The following RANBP2 variants were observed in gnomAD, a reference collection of about 807,000 sequenced individuals.
RANBP2 encodes E3 SUMO-protein ligase RanBP2.
A neutral mutation model predicts 303.6 loss-of-function variants in RANBP2; 57 were observed. That is an observed-to-expected ratio of 0.19 (90% CI 0.15 to 0.23). RANBP2 has a LOEUF of 0.23. RANBP2 is among the 10% of genes least tolerant of loss of function. The pLI is 1.00. For missense variants in RANBP2, 3,138 were observed against 3,780.8 expected, an observed-to-expected ratio of 0.83 and a Z score of 4.46; for synonymous variants, 1,167 against 1,301.5, an observed-to-expected ratio of 0.90 and a Z score of 2.23.
chr2:109,248,374 CCTCTCATGATTATGTGTTATCG>C, the RANBP2 span, among the ~76,000 whole-genome samples: 7 of 152,030 alleles, frequency 4.6e-5, no homozygotes, highest in African/African-American at 1.7e-4. Flanking sequence ...TATGGTTTTG[CCTCTCATGATTATGTGTTATCG>C]CTCTCATTTT....
At chr2:109,009,711 G>GTT in the RANBP2 span, among the ~76,000 whole-genome samples, 7 of 104,078 alleles carry the variant, frequency 6.7e-5, no homozygotes, top group Non-Finnish European at 9.1e-5. Flanking sequence ...CCTTTTTTTT[G>GTT]TTTTTTTTTT....
At chr2:109,047,391 G>T in the RANBP2 span, among the ~76,000 whole-genome samples, 1 of 152,188 alleles carries the variant, frequency 6.6e-6, no homozygotes, top group African/African-American at 2.4e-5. Context: ...TTAAACCTCT[G>T]TGCACTCTGC....
the RANBP2 span, among the ~76,000 whole-genome samples, chr2:108,879,670 G>C: frequency 1.3e-5 from 2 of 152,206 alleles, no homozygotes; most frequent in Admixed American, 1.3e-4. Context: ...TTTGTGAGAT[G>C]GGTCTTTTAA....
At chr2:109,251,729 A>G in the RANBP2 span, 1 of 695,138 alleles carries the variant, frequency 1.4e-6, no homozygotes, top group East Asian at 2.6e-5. Context: ...TAGGTCGTGT[A>G]CATTTTCATA....
chr2:109,570,186 C>G, the RANBP2 span, among the ~76,000 whole-genome samples: 1 of 152,160 alleles, frequency 6.6e-6, no homozygotes, highest in Non-Finnish European at 1.5e-5. Context: ...AAGGCAGTCC[C>G]AATTTTAGAA....
the RANBP2 span, among the ~76,000 whole-genome samples, chr2:108,971,770 C>A: frequency 6.6e-6 from 1 of 152,204 alleles, no homozygotes; most frequent in East Asian, 1.9e-4. Context: ...CTCTTTGATA[C>A]CACCTTCAAA....
At chr2:109,100,106 T>G in the RANBP2 span, among the ~76,000 whole-genome samples, 1 of 152,222 alleles carries the variant, frequency 6.6e-6, no homozygotes, top group Non-Finnish European at 1.5e-5. Flanking sequence ...AATAGATAAT[T>G]AATAGATAGT....
At chr2:109,731,686 C>T in the RANBP2 span, among the ~76,000 whole-genome samples, 5 of 152,062 alleles carry the variant, frequency 3.3e-5, no homozygotes, top group Non-Finnish European at 2.9e-5. Flanking sequence ...AGCCACTGCG[C>T]GCGGCCACCA....
intron 1 of RANBP2, among the ~76,000 whole-genome samples, chr2:108,728,684 A>G (rs1031073172): frequency 3.3e-5 from 5 of 151,790 alleles, no homozygotes; most frequent in East Asian, 1.9e-4. Context: ...CTGGAGTGCA[A>G]TGGCACGATC....
the RANBP2 span, among the ~76,000 whole-genome samples, chr2:109,684,236 C>T: frequency 2.0e-5 from 1 of 50,838 alleles, no homozygotes; most frequent in African/African-American, 5.7e-5. Flanking sequence ...GCCACCACAC[C>T]CGGTCTTACT....
At chr2:109,513,450 AC>A in the RANBP2 span, among the ~76,000 whole-genome samples, 1 of 117,990 alleles carries the variant, frequency 8.5e-6, no homozygotes, top group African/African-American at 3.0e-5. Context: ...CACATCACAC[AC>A]GTGCACATAT....
At chr2:109,304,819 T>G in the RANBP2 span, among the ~76,000 whole-genome samples, 1 of 152,124 alleles carries the variant, frequency 6.6e-6, no homozygotes, top group Non-Finnish European at 1.5e-5. Flanking sequence ...ATTGCTAGAT[T>G]AGACCTCGTG....
chr2:108,858,795 G>A, the RANBP2 span, among the ~76,000 whole-genome samples: 13 of 151,698 alleles, frequency 8.6e-5, no homozygotes, highest in Admixed American at 3.3e-4. Context: ...AACTGAACTC[G>A]TCATTTAGGA....
chr2:109,195,800 C>A, the RANBP2 span, among the ~76,000 whole-genome samples: 1 of 152,122 alleles, frequency 6.6e-6, no homozygotes, highest in Non-Finnish European at 1.5e-5. Flanking sequence ...TCAGAATCTC[C>A]CCTCTACTTT....
At chr2:108,733,734 A>G (rs1472987679) in intron 4 of RANBP2, among the ~76,000 whole-genome samples, 2 of 152,184 alleles carry the variant, frequency 1.3e-5, no homozygotes, top group African/African-American at 4.8e-5. Context: ...TAAAGAACAT[A>G]TGTAATGATA....
the RANBP2 span, among the ~76,000 whole-genome samples, chr2:109,258,686 C>T: frequency 1.5e-4 from 23 of 152,308 alleles, no homozygotes; most frequent in East Asian, 2.1e-3. Flanking sequence ...GTGTGGCAGC[C>T]GTGTCTGAGT....
the RANBP2 span, among the ~76,000 whole-genome samples, chr2:109,669,395 G>A: frequency 6.6e-6 from 1 of 152,046 alleles, no homozygotes; most frequent in Admixed American, 6.5e-5. Flanking sequence ...ACGACACACA[G>A]GAGAAACAAT....
the RANBP2 span, among the ~76,000 whole-genome samples, chr2:109,330,420 C>G: frequency 6.6e-6 from 1 of 151,940 alleles, no homozygotes; most frequent in Non-Finnish European, 1.5e-5. Flanking sequence ...GTTGATTATT[C>G]CTTAGTCATG....
the RANBP2 span, among the ~76,000 whole-genome samples, chr2:108,989,551 G>A: frequency 2.6e-5 from 4 of 152,038 alleles, no homozygotes; most frequent in African/African-American, 9.7e-5. Flanking sequence ...ACAGGCATGG[G>A]TGCCACTGCA....
Sources: gnomAD v4.1 joint callset for allele counts (sites outside exome capture counted in the v4.1 genomes callset) on GRCh38, gnomAD v4.1.1 for gene constraint, MANE v1.5 for transcripts, NCBI Gene and HGNC (gene_info 2026-07-23, HGNC 2026-07-21) for gene names.